Variants in DAB1 observed in about 807,000 individuals in gnomAD.
DAB1 encodes disabled homolog 1.
Under a neutral mutation model 64.6 loss-of-function variants are expected in DAB1, and 15 were observed. The ratio of observed to expected loss-of-function variants is 0.23; its 90% confidence interval spans 0.16 to 0.36. DAB1 has a LOEUF of 0.36. Ranked by LOEUF, DAB1 falls within the 10% of genes least tolerant of loss-of-function variation. DAB1 has a pLI of 1.00. For missense variants in DAB1, 596 were observed against 706.7 expected (o/e 0.84, Z 1.78); for synonymous variants, 235 against 251.9 (o/e 0.93, Z 0.64).
intron 1 of DAB1, among the ~76,000 whole-genome samples, chr1:57,311,645 G>A (rs1013239872): frequency 2.6e-5 from 4 of 152,012 alleles, no homozygotes; most frequent in East Asian, 3.9e-4. Flanking sequence ...ATGAAGATTC[G>A]GTTTAACTCA....
chr1:57,870,386 C>G (rs2038379), intron 1 of DAB1, among the ~76,000 whole-genome samples: 3 of 151,772 alleles, frequency 2.0e-5, no homozygotes, highest in African/African-American at 7.3e-5. Context: ...ACTAAGAAGC[C>G]GTTTTATTGG....
chr1:57,879,434 T>A (rs908039020), intron 1 of DAB1, among the ~76,000 whole-genome samples: 1 of 152,140 alleles, frequency 6.6e-6, no homozygotes, highest in African/African-American at 2.4e-5. Flanking sequence ...ATGAACTTTT[T>A]AAAATCATGT....
chr1:58,394,988 A>T (rs937195261), intron 3 of DAB1, among the ~76,000 whole-genome samples: 1 of 138,058 alleles, frequency 7.2e-6, no homozygotes, highest in Non-Finnish European at 1.6e-5. Context: ...AGCAAAAAAA[A>T]AAATGGCAAA....
At chr1:57,250,705 G>A (rs2100517097) in intron 2 of DAB1, among the ~76,000 whole-genome samples, 1 of 152,220 alleles carries the variant, frequency 6.6e-6, no homozygotes, top group African/African-American at 2.4e-5. Context: ...CCTAAGATTT[G>A]CTCACCAGGC....
At chr1:57,164,088 A>T (rs1235772129) in intron 2 of DAB1, among the ~76,000 whole-genome samples, 1 of 152,130 alleles carries the variant, frequency 6.6e-6, no homozygotes, top group East Asian at 1.9e-4. Context: ...GGAAGAGACA[A>T]TATGAGGTTT....
chr1:58,016,798 T>A (rs114681022), intron 5 of DAB1, among the ~76,000 whole-genome samples: 1 of 152,220 alleles, frequency 6.6e-6, no homozygotes, highest in Non-Finnish European at 1.5e-5. Flanking sequence ...CCAAAATAGT[T>A]TATAACAATG....
chr1:57,871,456 G>A (rs1057504858), intron 1 of DAB1, among the ~76,000 whole-genome samples: 3 of 152,134 alleles, frequency 2.0e-5, no homozygotes, highest in Non-Finnish European at 4.4e-5. Flanking sequence ...CACACAGCTA[G>A]TAAGCTTAGA....
chr1:57,182,609 G>C (rs772512099), intron 2 of DAB1, among the ~76,000 whole-genome samples: 1 of 152,168 alleles, frequency 6.6e-6, no homozygotes, highest in South Asian at 2.1e-4. Flanking sequence ...GCAGTGAAAA[G>C]ACAGTGTTAA....
At chr1:57,372,106 G>A (rs973584533) in intron 1 of DAB1, among the ~76,000 whole-genome samples, 6 of 152,138 alleles carry the variant, frequency 3.9e-5, no homozygotes, top group African/African-American at 1.2e-4. Flanking sequence ...CTACAGAATC[G>A]AAGACAAATT....
At chr1:58,066,892 C>A (rs1648888255) in intron 5 of DAB1, among the ~76,000 whole-genome samples, 1 of 152,214 alleles carries the variant, frequency 6.6e-6, no homozygotes. Context: ...CTGCTGAATA[C>A]CTTCAGCGAC....
chr1:57,569,599 T>C (rs982511502), intron 7 of DAB1, among the ~76,000 whole-genome samples: 1 of 134,380 alleles, frequency 7.4e-6, no homozygotes, highest in African/African-American at 2.8e-5. Context: ...GCCTGTTGTG[T>C]GGTGGGGGTA....
At chr1:57,901,547 C>A (rs1051349977) in intron 5 of DAB1, among the ~76,000 whole-genome samples, 6 of 152,108 alleles carry the variant, frequency 3.9e-5, no homozygotes, top group Non-Finnish European at 8.8e-5. Flanking sequence ...CAAATAAATA[C>A]CCCAGCACCC....
intron 3 of DAB1, among the ~76,000 whole-genome samples, chr1:58,450,795 G>C (rs566352013): frequency 7.9e-5 from 12 of 152,296 alleles, no homozygotes; most frequent in African/African-American, 2.6e-4. Flanking sequence ...ACTTGACAGA[G>C]AGAAATGTGG....
intron 4 of DAB1, among the ~76,000 whole-genome samples, chr1:58,308,707 A>C (rs1662361635): frequency 6.6e-6 from 1 of 152,174 alleles, no homozygotes; most frequent in African/African-American, 2.4e-5. Flanking sequence ...GCAACCTGCT[A>C]GCTAGCTTGG....
intron 4 of DAB1, among the ~76,000 whole-genome samples, chr1:57,127,419 T>C (rs1029909385): frequency 6.6e-6 from 1 of 152,232 alleles, no homozygotes; most frequent in African/African-American, 2.4e-5. Flanking sequence ...GGCCCTTTCA[T>C]GAGGACAAAG....
At chr1:58,138,943 G>A (rs562223852) in intron 5 of DAB1, among the ~76,000 whole-genome samples, 3 of 152,104 alleles carry the variant, frequency 2.0e-5, no homozygotes, top group African/African-American at 7.2e-5. Flanking sequence ...TGAATAGGTG[G>A]GTGGGTTGAT....
chr1:57,863,494 C>T (rs1473178754), intron 1 of DAB1, among the ~76,000 whole-genome samples: 1 of 152,016 alleles, frequency 6.6e-6, no homozygotes, highest in Non-Finnish European at 1.5e-5. Context: ...AACAAGATGG[C>T]CCTGTAGTCC....
rs12727397 is a variant in DAB1, at chr1:57,216,259, A to G, written c.68-70830T>C. On this transcript the variant is annotated intron_variant, in intron 2 of 14. Transcript: ENST00000371236. ...TTCGGCCTCCTTACCTATAAGGTGG[A>G]GTGAATGTGCCTCTCTGGAATTGCT... Among the ~76,000 whole-genome samples, 1,093 of 152,160 alleles carry G rather than the reference A, an allele frequency of 7.2e-3. 8 individuals are homozygous for G. The highest frequency in any genetic ancestry group is 0.01 in the Non-Finnish European group (707 of 68,010).
chr1:57,885,592 A>C (rs865882404), upstream of DAB1, among the ~76,000 whole-genome samples: 9 of 152,352 alleles, frequency 5.9e-5, no homozygotes, highest in African/African-American at 2.2e-4. Context: ...ATTGATAAGC[A>C]GAACTCTAAG....
Sources: gnomAD v4.1 joint callset for allele counts (sites outside exome capture counted in the v4.1 genomes callset) on GRCh38, gnomAD v4.1.1 for gene constraint, MANE v1.5 for transcripts, NCBI Gene and HGNC (gene_info 2026-07-23, HGNC 2026-07-21) for gene names.